ABLIM3: variants seen among roughly 807,000 people sequenced by gnomAD.
ABLIM3 encodes the protein actin-binding LIM protein 3.
A neutral mutation model predicts 109.5 loss-of-function variants in ABLIM3; 61 were observed. That is an observed-to-expected ratio of 0.56 (90% CI 0.45 to 0.69). ABLIM3 has a LOEUF of 0.69. ABLIM3 is among the 30% of genes least tolerant of loss of function. ABLIM3 has a pLI of 0.00. For missense variants in ABLIM3, 796 were observed against 889.5 expected (o/e 0.89, Z 1.34); for synonymous variants, 300 against 324.8 (o/e 0.92, Z 0.82).
In ABLIM3 at chr5:149,198,657, C is replaced by T. The variant is rs1477377106; in HGVS notation, c.335+255C>T. Among the ~76,000 whole-genome samples the T allele has an allele frequency of 6.6e-6, 1 of 152,200 alleles. No homozygotes were observed. Among genetic ancestry groups the T allele is most frequent in the Non-Finnish European group, 1.5e-5 (1 of 68,038 alleles). On this transcript the variant is annotated intron_variant, in intron 4 of 23. Coordinates refer to ENST00000309868, the MANE Select transcript of ABLIM3 (RefSeq NM_014945.5). The surrounding 1 kb of genome is among the most constrained non-coding windows in gnomAD (Gnocchi z 4.2). ...ATAGAGGCAGAGTGAGGATCTGTAC[C>T]TCTAAACTCAGCCTCCCAATTCCTC...
rs554753196 is a variant in ABLIM3 at position 149,238,943 on chromosome 5, A to G, written c.1045-305A>G. On this transcript the variant is annotated intron_variant, in intron 11 of 23. Transcript: ENST00000309868. ...GACAATAGCCCTGAGCATGCAGCAC[A>G]GAAGCCTGGGTCCAAGTCAAGTCCC... 7.9e-5 allele frequency among the ~76,000 whole-genome samples: 12 copies of G among 152,346 alleles called. No individual in the cohort carries two copies. In the South Asian group the frequency reaches 1.9e-3, roughly 24 times the overall value.
chr5:149,195,694 C>T (rs529472631), intron 3 of ABLIM3, among the ~76,000 whole-genome samples: 1 of 152,346 alleles, frequency 6.6e-6, no homozygotes, highest in South Asian at 2.1e-4. Context: ...GATTCCGCAG[C>T]CATGAAGTCA....
intron 11 of ABLIM3, among the ~76,000 whole-genome samples, chr5:149,238,726 A>G (rs1190656081): frequency 6.6e-6 from 1 of 152,204 alleles, no homozygotes; most frequent in Non-Finnish European, 1.5e-5. Flanking sequence ...GAGCTGAGGA[A>G]CTGCTGCCCT....
chr5:149,240,358 G>T, intron 13 of ABLIM3: 2 of 428,506 alleles, frequency 4.7e-6, no homozygotes, highest in Non-Finnish European at 4.3e-6. Context: ...GCGTCCAAAA[G>T]GGGGAGGTTC....
At chr5:149,250,605 G>A in intron 20 of ABLIM3, 100 bp downstream of exon 20, 1 of 1,381,582 alleles carries the variant, frequency 7.2e-7, no homozygotes, top group Middle Eastern at 1.8e-4. Flanking sequence ...CAAAGGTCCT[G>A]GGGCTAGTGG....
intron 2 of ABLIM3, among the ~76,000 whole-genome samples, chr5:149,152,114 G>A (rs1021599586): frequency 9.2e-5 from 14 of 152,116 alleles, no homozygotes; most frequent in African/African-American, 2.7e-4. Context: ...AAATGAAGTC[G>A]GAGGATTTTG....
chr5:149,221,939 G>A (rs116146310), intron 8 of ABLIM3, among the ~76,000 whole-genome samples: 1,916 of 152,106 alleles, frequency 0.013, 16 homozygotes, highest in Non-Finnish European at 0.018. Flanking sequence ...AATAACCCTG[G>A]AATTACGTAA....
intron 2 of ABLIM3, among the ~76,000 whole-genome samples, chr5:149,182,084 A>G (rs1251824785): frequency 2.0e-5 from 3 of 152,250 alleles, no homozygotes; most frequent in Admixed American, 2.0e-4. Context: ...CCATGTGCCT[A>G]GAAGAAAAGG....
intron 3 of ABLIM3, among the ~76,000 whole-genome samples, chr5:149,194,726 A>G (rs77873656): frequency 0.051 from 7,735 of 152,256 alleles, 604 homozygotes; most frequent in African/African-American, 0.18. Flanking sequence ...AAGTGGCCAA[A>G]CTAAACAAAA....
intron 7 of ABLIM3, among the ~76,000 whole-genome samples, chr5:149,213,465 T>C (rs776463349): frequency 1.3e-5 from 2 of 152,160 alleles, no homozygotes; most frequent in Admixed American, 6.5e-5. Context: ...GGAAAAGCTG[T>C]TGGATGTGGG....
At chr5:149,239,714 C>G (rs1752600231) in intron 12 of ABLIM3, 45 bp from the exon 13 acceptor site, 2 of 1,537,074 alleles carry the variant, frequency 1.3e-6, no homozygotes, top group Admixed American at 2.1e-5. Flanking sequence ...GGCCACAGGC[C>G]CACTTAACAG....
chr5:149,143,160 C>T (rs573183032), intron 2 of ABLIM3, among the ~76,000 whole-genome samples: 30 of 151,762 alleles, frequency 2.0e-4, no homozygotes, highest in Non-Finnish European at 3.8e-4. Context: ...GTCAGGAGTT[C>T]GAGACCAGCC....
At chr5:149,167,493 C>T (rs1240544928) in intron 2 of ABLIM3, among the ~76,000 whole-genome samples, 4 of 152,196 alleles carry the variant, frequency 2.6e-5, no homozygotes, top group East Asian at 1.9e-4. Context: ...TCTTACCCTA[C>T]AAGACACTTC....
In ABLIM3 at chr5:149,258,964, C is replaced by T. The variant is rs2127581018; in HGVS notation, c.*560C>T. On this transcript the variant is annotated 3_prime_UTR_variant, in exon 24 of 24. Transcript: ENST00000309868. The stretch of plus-strand genomic sequence containing the variant: ...GGGTGAGCCTCAAATCTAGTCATTA[C>T]ACCAGTCAACAGAAGTGGACAGGGC... 3.0e-6 allele frequency: 3 copies of T among 991,254 alleles called. No individual in the cohort carries two copies. The highest frequency in any genetic ancestry group is 4.6e-5 in the South Asian group (1 of 21,686). 61.4% of individuals were successfully genotyped at this position (991,254 alleles called of 1,614,324 possible).
intron 7 of ABLIM3, among the ~76,000 whole-genome samples, chr5:149,214,951 C>T (rs1255015514): frequency 1.3e-5 from 2 of 152,136 alleles, no homozygotes; most frequent in East Asian, 1.9e-4. Context: ...TTCCTGATTT[C>T]AGTTCGTTAA....
At position 149,174,021 on chromosome 5, in the gene ABLIM3, CAAAAAAAAAAA is replaced by C. The variant is rs57000637; in HGVS notation, c.14-9417_14-9407del. Among the ~76,000 whole-genome samples the C allele has an allele frequency of 4.0e-3, 162 of 40,216 alleles. 2 individuals are homozygous for C. Among genetic ancestry groups the C allele is most frequent in the Non-Finnish European group, 3.1e-3 (59 of 19,126 alleles). 26.4% of individuals were successfully genotyped at this position (40,216 alleles called of 152,430 possible). ...TGGGCAACAGAGCGAGACTCCGTCT[CAAAAAAAAAAA>C]AAAAAAAAAAAAAGAAGTAGGAACC... On this transcript the variant is annotated intron_variant, in intron 2 of 23. Coordinates refer to ENST00000309868, the MANE Select transcript of ABLIM3 (RefSeq NM_014945.5).
intron 21 of ABLIM3, 146 bp from the exon 22 acceptor site, chr5:149,252,055 C>A: frequency 1.2e-6 from 1 of 831,010 alleles, no homozygotes; most frequent in East Asian, 2.8e-5. Flanking sequence ...AGGGTGAATT[C>A]AGCAAGGACA....
intron 23 of ABLIM3, among the ~76,000 whole-genome samples, chr5:149,255,075 A>C (rs79721451): frequency 6.6e-6 from 1 of 152,230 alleles, no homozygotes; most frequent in East Asian, 1.9e-4. Flanking sequence ...TATTTATTGA[A>C]TCATCCTCAC....
At chr5:149,153,217 C>T (rs1319046753) in intron 2 of ABLIM3, among the ~76,000 whole-genome samples, 3 of 152,136 alleles carry the variant, frequency 2.0e-5, no homozygotes, top group Non-Finnish European at 4.4e-5. Context: ...AAAAGCCTAC[C>T]TTAGCTCTTA....
Sources: gnomAD v4.1 joint callset for allele counts (sites outside exome capture counted in the v4.1 genomes callset) on GRCh38, gnomAD v4.1.1 for gene constraint, Gnocchi (gnomAD v3.1) non-coding constraint, MANE v1.5 for transcripts, NCBI Gene and HGNC (gene_info 2026-07-23, HGNC 2026-07-21) for gene names.